NCR1: variants seen among roughly 807,000 people sequenced by gnomAD.
The protein encoded by NCR1 is NK cell-activating receptor.
A neutral mutation model predicts 32.5 loss-of-function variants in NCR1; 30 were observed. That is an observed-to-expected ratio of 0.92 (90% confidence interval 0.69 to 1.25). The LOEUF (loss-of-function observed/expected upper bound fraction) is 1.25. Among genes scored for constraint, NCR1 ranks in the 50% most tolerant of loss-of-function variants. NCR1 has a pLI of 0.00. For synonymous variants in NCR1, 169 were observed against 143.4 expected (o/e 1.18, Z -1.28); for missense variants, 369 against 380.7 (o/e 0.97, Z 0.26).
chr19:54,937,797 T>G, the NCR1 span, among the ~76,000 whole-genome samples: 1 of 147,618 alleles, frequency 6.8e-6, no homozygotes, highest in African/African-American at 2.5e-5. Flanking sequence ...CTCGGGAGGC[T>G]GAGGCAGGAG....
chr19:54,904,140 A>G (rs961156239), upstream of NCR1, among the ~76,000 whole-genome samples: 20 of 96,114 alleles, frequency 2.1e-4, no homozygotes, highest in African/African-American at 3.9e-4. Context: ...AAAAAAAAAA[A>G]AAAGAAAGAA....
chr19:54,912,124 G>C, intron 5 of NCR1, 44 bp from the exon 6 acceptor site: 1 of 1,555,322 alleles, frequency 6.4e-7, no homozygotes, highest in Non-Finnish European at 8.9e-7. Flanking sequence ...CTGGGGTGGA[G>C]GAGGTCAAAA....
At chr19:54,924,151 A>G in the NCR1 span, among the ~76,000 whole-genome samples, 1 of 152,174 alleles carries the variant, frequency 6.6e-6, no homozygotes, top group Non-Finnish European at 1.5e-5. Context: ...TATTTACAGT[A>G]GAGATGGGGT....
the NCR1 span, chr19:54,930,701 C>G: frequency 6.3e-7 from 1 of 1,590,804 alleles, no homozygotes; most frequent in Non-Finnish European, 8.6e-7. Flanking sequence ...AGCCTGTTAT[C>G]CCTCTGGCTA....
At chr19:54,936,577 T>C in the NCR1 span, 2 of 735,390 alleles carry the variant, frequency 2.7e-6, no homozygotes, top group Non-Finnish European at 4.8e-6. Flanking sequence ...ACCCCAGCAC[T>C]TTGGGAGGCT....
chr19:54,907,178 G>A (rs587621089), intron 3 of NCR1, among the ~76,000 whole-genome samples: 140 of 150,112 alleles, frequency 9.3e-4, no homozygotes, highest in African/African-American at 3.3e-3. Flanking sequence ...GTTTTGAGAC[G>A]GAGTTTCGCT....
chr19:54,912,787 G>T lies in NCR1; in HGVS notation c.831G>T (p.Trp277Cys). The change falls in exon 7 of 7, where the codon TGG (tryptophan) becomes TGT (cysteine). Residue 277 changes from tryptophan (W) to cysteine (C), a missense_variant. Physicochemically the swap from Trp to Cys is radical, Grantham distance 215. Transcript: ENST00000291890. ...VALVWFLVED[W>C]LSRKRTRERA... ...TAGTGTGGTTCCTGGTTGAAGACTG[G>T]CTCAGCAGGAAGAGGACTAGAGAGC... 3.1e-6 allele frequency: 5 copies of T among 1,614,054 alleles called. No homozygotes were observed. Among genetic ancestry groups the T allele is most frequent in the Non-Finnish European group, 4.2e-6 (5 of 1,180,024 alleles).
chr19:54,903,701 A>G (rs2067379183), upstream of NCR1, among the ~76,000 whole-genome samples: 2 of 149,288 alleles, frequency 1.3e-5, no homozygotes, highest in Admixed American at 6.8e-5. Flanking sequence ...GTGTATATAT[A>G]TAAAAGGTAT....
chr19:54,921,897 T>C, the NCR1 span, among the ~76,000 whole-genome samples: 4 of 126,186 alleles, frequency 3.2e-5, no homozygotes, highest in African/African-American at 1.2e-4. Flanking sequence ...ATCAATGCTC[T>C]TATTTTTTTT....
chr19:54,906,455 A>G, intron 2 of NCR1, 68 bp from the exon 3 acceptor site: 21 of 1,599,852 alleles, frequency 1.3e-5, no homozygotes, highest in Non-Finnish European at 1.7e-5. Flanking sequence ...TGGGGCCAGC[A>G]GCTGGGTGGA....
chr19:54,926,615 A>G, the NCR1 span, among the ~76,000 whole-genome samples: 1 of 151,882 alleles, frequency 6.6e-6, no homozygotes, highest in African/African-American at 2.4e-5. Context: ...CCCCATCTCT[A>G]CTAAAAACTA....
chr19:54,935,162 G>A, the NCR1 span, among the ~76,000 whole-genome samples: 1 of 152,034 alleles, frequency 6.6e-6, no homozygotes, highest in East Asian at 1.9e-4. Flanking sequence ...ACTTCTCCAA[G>A]AGATTGTAAT....
At chr19:54,926,479 T>C in the NCR1 span, among the ~76,000 whole-genome samples, 1,265 of 152,224 alleles carry the variant, frequency 8.3e-3, 21 homozygotes, top group African/African-American at 0.028. Context: ...AAATTCACCA[T>C]GTGAAACAGC....
the NCR1 span, among the ~76,000 whole-genome samples, chr19:54,928,027 A>G: frequency 2.5e-4 from 38 of 152,238 alleles, no homozygotes; most frequent in Middle Eastern, 3.4e-3. Context: ...CAGGAGTTCG[A>G]GACCAGCCAG....
upstream of NCR1, chr19:54,906,143 G>T: frequency 6.2e-7 from 1 of 1,613,684 alleles, no homozygotes; most frequent in Non-Finnish European, 8.5e-7. Context: ...TGGCCCGCCC[G>T]GCTCAGTCCC....
chr19:54,903,349 T>C (rs746047189), upstream of NCR1, among the ~76,000 whole-genome samples: 1,034 of 124,628 alleles, frequency 8.3e-3, 21 homozygotes, highest in Middle Eastern at 0.02. Flanking sequence ...TATACATATA[T>C]GCATATATAC....
the NCR1 span, among the ~76,000 whole-genome samples, chr19:54,930,910 C>T: frequency 2.0e-5 from 3 of 152,070 alleles, no homozygotes; most frequent in Non-Finnish European, 4.4e-5. Context: ...GTAGTGCCAG[C>T]TACTCAGAAG....
downstream of NCR1, among the ~76,000 whole-genome samples, chr19:54,919,878 C>T (rs1023726929): frequency 1.7e-4 from 26 of 152,324 alleles, no homozygotes; most frequent in Non-Finnish European, 2.8e-4. Context: ...CCTGTCCGGG[C>T]ATAACAGAAG....
At chr19:54,920,192 G>A (rs1392802206), downstream of NCR1, among the ~76,000 whole-genome samples, 1 of 152,126 alleles carries the variant, frequency 6.6e-6, no homozygotes, top group Non-Finnish European at 1.5e-5. Flanking sequence ...GGGCACTTCG[G>A]TTGGTTCCAC....
Sources: allele counts gnomAD v4.1 joint callset (sites outside exome capture counted in the v4.1 genomes callset), GRCh38; gene constraint gnomAD v4.1.1; transcripts MANE v1.5; gene names NCBI Gene and HGNC (gene_info 2026-07-23, HGNC 2026-07-21).